The following ZFHX4 variants were observed in gnomAD, a reference collection of about 807,000 sequenced individuals.
ZFHX4 encodes the protein zinc finger homeobox protein 4.
Under a neutral mutation model 267.6 loss-of-function variants are expected in ZFHX4, and 56 were observed. The observed-to-expected ratio is 0.21, with a 90% CI of 0.17 to 0.26. The LOEUF is 0.26. Ranked by LOEUF, ZFHX4 falls within the 10% of genes least tolerant of loss-of-function variation. The pLI, the probability that ZFHX4 is intolerant of heterozygous loss-of-function variation, is 1.00. For missense variants in ZFHX4, 4,332 were observed against 4,420.0 expected (o/e 0.98, Z 0.56); for synonymous variants, 1,778 against 1,665.6 (o/e 1.07, Z -1.64).
At chr8:76,695,204 A>G (rs1438021236) in intron 1 of ZFHX4, among the ~76,000 whole-genome samples, 1 of 152,196 alleles carries the variant, frequency 6.6e-6, no homozygotes, top group Non-Finnish European at 1.5e-5. Context: ...GAAAAGAATG[A>G]GGTCATTTAT....
chr8:76,811,593 T>C (rs2131845573), intron 4 of ZFHX4, among the ~76,000 whole-genome samples: 1 of 152,288 alleles, frequency 6.6e-6, no homozygotes, highest in African/African-American at 2.4e-5. Flanking sequence ...CCCAGACATT[T>C]GGTTTGGCCT....
In ZFHX4 at chr8:76,705,399, G is replaced by A; in HGVS notation, c.1311G>A (p.Glu437=). Residue 437 remains glutamate, a synonymous_variant, in exon 2 of 11, where the codon GAG becomes GAA. Transcript: ENST00000651372. ...CGTCTGAGTCTAGCAAGATGTCAGA[G>A]AGCAAAGACCAAGAGAACAACTGTG... ...HSSSESSKMS[E]SKDQENNCER... is the part of the protein sequence containing the mutation. The A allele has an allele frequency of 6.2e-7, 1 of 1,613,848 alleles. No homozygotes were observed. Among genetic ancestry groups the A allele is most frequent in the Non-Finnish European group, 8.5e-7 (1 of 1,179,882 alleles).
In ZFHX4 at chr8:76,854,095, A is replaced by C. The variant is rs774426566; in HGVS notation, c.7174A>C (p.Ile2392Leu). Residue 2392 changes from isoleucine to leucine, a missense_variant, in exon 10 of 11, where the codon ATT becomes CTT. Physicochemically the swap from Ile to Leu is conservative, Grantham distance 5. This residue lies in a region of ZFHX4 where 1,648 missense variants were observed against 1,625.0 expected (regional missense o/e 1.01). Transcript: ENST00000651372. ...TGGCTCTGGGACCAGCACCCCCCTG[A>C]TTCCATCACCCAAACCAGAACCTGA... ...SSGSGTSTPL[I>L]PSPKPEPEKT... 1 of 1,613,872 alleles carries C rather than the reference A, an allele frequency of 6.2e-7. No homozygotes were observed. The highest frequency in any genetic ancestry group is 1.1e-5 in the South Asian group (1 of 91,078).
At chr8:76,847,392 C>T (rs1812390198) in intron 6 of ZFHX4, among the ~76,000 whole-genome samples, 1 of 151,900 alleles carries the variant, frequency 6.6e-6, no homozygotes, top group African/African-American at 2.4e-5. Flanking sequence ...CATTCAAATT[C>T]AAATATCATA....
chr8:76,761,474 T>C (rs750155206), intron 3 of ZFHX4, among the ~76,000 whole-genome samples: 4 of 152,204 alleles, frequency 2.6e-5, no homozygotes, highest in Non-Finnish European at 4.4e-5. Flanking sequence ...AATAAACTTA[T>C]ATATTATATT....
intron 3 of ZFHX4, among the ~76,000 whole-genome samples, chr8:76,728,474 C>T (rs2131655414): frequency 6.6e-6 from 1 of 152,148 alleles, no homozygotes; most frequent in African/African-American, 2.4e-5. Flanking sequence ...TGAAAATGAG[C>T]TAAGAAATGG....
At chr8:76,711,286 A>G (rs1808416987) in intron 3 of ZFHX4, among the ~76,000 whole-genome samples, 1 of 152,200 alleles carries the variant, frequency 6.6e-6, no homozygotes, top group Non-Finnish European at 1.5e-5. Flanking sequence ...AGTGCTAAGC[A>G]CTACTAAATT....
rs749233707 is a variant in ZFHX4 at position 76,855,567 on chromosome 8, C to A, written c.8646C>A (p.His2882Gln). 1.9e-6 allele frequency: 3 copies of A among 1,613,906 alleles called. No individual in the cohort carries two copies. Among genetic ancestry groups the A allele is most frequent in the South Asian group, 2.2e-5 (2 of 91,082 alleles). The part of the protein sequence containing the change: ...SIHFNDKDGD[H>Q]DQSFYITDDP... ...ATTTCAATGACAAAGATGGCGACCA[C>A]GACCAAAGCTTTTACATCACAGATG... is the stretch of plus-strand genomic sequence containing the variant. Residue 2882 changes from histidine to glutamine, a missense_variant, in exon 10 of 11, where the codon CAC (histidine) becomes CAA (glutamine). By Grantham distance (24) the His-to-Gln change is conservative. Transcript: ENST00000651372.
At chr8:76,696,953 CAT>C (rs1224828749) in intron 1 of ZFHX4, among the ~76,000 whole-genome samples, 1 of 151,978 alleles carries the variant, frequency 6.6e-6, no homozygotes, top group African/African-American at 2.4e-5. Flanking sequence ...TATTTGAAAT[CAT>C]ATAAAATTAT....
intron 10 of ZFHX4, among the ~76,000 whole-genome samples, chr8:76,860,135 A>G (rs928718624): frequency 2.0e-5 from 3 of 151,958 alleles, no homozygotes; most frequent in Non-Finnish European, 2.9e-5. Context: ...TTTCTCCTCT[A>G]TTTCTGGTTT....
intron 4 of ZFHX4, among the ~76,000 whole-genome samples, chr8:76,804,722 G>T (rs1397228966): frequency 7.6e-6 from 1 of 131,638 alleles, no homozygotes; most frequent in African/African-American, 2.9e-5. Flanking sequence ...TTGATTTGGG[G>T]TTACCTTTAA....
At chr8:76,742,101 A>G (rs933760594) in intron 3 of ZFHX4, among the ~76,000 whole-genome samples, 1 of 152,178 alleles carries the variant, frequency 6.6e-6, no homozygotes, top group African/African-American at 2.4e-5. Flanking sequence ...GGGATAAATG[A>G]GGATGTACAA....
chr8:76,782,066 G>T, intron 4 of ZFHX4: 2 of 362,570 alleles, frequency 5.5e-6, no homozygotes, highest in Non-Finnish European at 1.1e-5. Context: ...TATGTAAATG[G>T]TAGCCAAAGC....
chr8:76,698,702 G>C (rs536657477), intron 1 of ZFHX4, among the ~76,000 whole-genome samples: 5 of 150,548 alleles, frequency 3.3e-5, no homozygotes, highest in Non-Finnish European at 7.4e-5. Context: ...GGAAAACAGA[G>C]AAAAACGACT....
intron 4 of ZFHX4, among the ~76,000 whole-genome samples, chr8:76,817,099 G>A (rs79444728): frequency 0.01 from 1,543 of 152,202 alleles, 29 homozygotes; most frequent in African/African-American, 0.035. Context: ...GAAACAGCAG[G>A]AGGCCACATG....
intron 1 of ZFHX4, among the ~76,000 whole-genome samples, chr8:76,684,245 C>A (rs1323219564): frequency 6.6e-6 from 1 of 150,770 alleles, no homozygotes; most frequent in East Asian, 1.9e-4. Flanking sequence ...TTTTTTCCTT[C>A]CTCATCTTAA....
chr8:76,835,714 A>C (rs953770647), intron 5 of ZFHX4, among the ~76,000 whole-genome samples: 8 of 152,154 alleles, frequency 5.3e-5, no homozygotes, highest in Non-Finnish European at 7.4e-5. Flanking sequence ...AAACCAATGA[A>C]AAGATTTCAT....
chr8:76,853,335 T>C lies in ZFHX4; in HGVS notation c.6414T>C (p.Asp2138=). 6.2e-7 allele frequency: 1 copy of C among 1,613,814 alleles called. No homozygotes were observed. Among genetic ancestry groups the C allele is most frequent in the Non-Finnish European group, 8.5e-7 (1 of 1,179,828 alleles). ...QFKRPRTRIT[D]DQLKILRAYF... is the part of the protein sequence containing the mutation. ...AACGCCCACGGACAAGAATTACAGA[T>C]GATCAGCTAAAAATCCTGAGGGCTT... Residue 2138 remains aspartate, a synonymous_variant, in exon 10 of 11, where the codon GAT becomes GAC. Transcript: ENST00000651372.
chr8:76,814,077 A>G (rs1811443558), intron 4 of ZFHX4, among the ~76,000 whole-genome samples: 1 of 152,068 alleles, frequency 6.6e-6, no homozygotes, highest in Admixed American at 6.6e-5. Flanking sequence ...TTTTATTTAA[A>G]AAAAAGATTT....
Sources: gnomAD v4.1 joint callset for allele counts (sites outside exome capture counted in the v4.1 genomes callset) on GRCh38, gnomAD v4.1.1 for gene constraint, gnomAD v4.1.1 regional missense constraint, MANE v1.5 for transcripts, NCBI Gene and HGNC (gene_info 2026-07-23, HGNC 2026-07-21) for gene names.